ANOS1: variants seen among roughly 807,000 people sequenced by gnomAD.
ANOS1 encodes the protein anosmin-1.
Under a neutral mutation model 59.0 loss-of-function variants are expected in ANOS1, and 6 were observed. The observed-to-expected ratio is 0.10, with a 90% CI of 0.06 to 0.20. The LOEUF (loss-of-function observed/expected upper bound fraction) is 0.20. Among genes scored for constraint, ANOS1 ranks in the 10% least tolerant of loss-of-function variants. The pLI is 1.00. For missense variants in ANOS1, 433 were observed against 542.3 expected (o/e 0.80, Z 2.00); for synonymous variants, 217 against 223.4 (o/e 0.97, Z 0.25).
chrX:8,555,519 TA>T (rs1170239437), intron 8 of ANOS1, among the ~76,000 whole-genome samples: 1 of 111,300 alleles, frequency 9.0e-6, no homozygotes, highest in Non-Finnish European at 1.9e-5. Flanking sequence ...AAGAATCAAA[TA>T]GACACAATAT....
At chrX:8,548,791 G>C (rs149602914) in intron 9 of ANOS1, among the ~76,000 whole-genome samples, 10 of 112,439 alleles carry the variant, frequency 8.9e-5, no homozygotes, top group African/African-American at 3.2e-4. Context: ...TGGCCAGCAT[G>C]GATATGTACT....
In ANOS1 at chrX:8,670,833, C is replaced by T. The variant is rs183990714; in HGVS notation, c.255+28865G>A. On this transcript the variant is annotated intron_variant, in intron 2 of 13. Coordinates refer to ENST00000262648, the MANE Select transcript of ANOS1 (RefSeq NM_000216.4). ...AAGGAAAAGCCCGGCTGCTCCTCTT[C>T]CAGTCGCCTTCACCTAAGTAACTGG... Among the ~76,000 whole-genome samples the T allele has an allele frequency of 1.9e-4, 21 of 111,529 alleles. No homozygotes were observed. In the East Asian group the frequency reaches 4.5e-3, roughly 24 times the overall value.
At chrX:8,568,744 C>T (rs985263295) in intron 7 of ANOS1, among the ~76,000 whole-genome samples, 1 of 110,670 alleles carries the variant, frequency 9.0e-6, no homozygotes, top group African/African-American at 3.3e-5. Context: ...AAGATTGAAC[C>T]CAGGAGGTTG....
chrX:8,610,589 T>C (rs913149475), intron 3 of ANOS1, among the ~76,000 whole-genome samples: 2 of 111,683 alleles, frequency 1.8e-5, no homozygotes, highest in African/African-American at 6.5e-5. Context: ...TGAATGTGCA[T>C]GGCTTCAAAC....
intron 11 of ANOS1, 68 bp from the exon 12 acceptor site, chrX:8,535,879 T>C (rs1306181405): frequency 2.1e-6 from 2 of 931,729 alleles, no homozygotes; most frequent in Non-Finnish European, 3.1e-6. Context: ...GGATCCATTG[T>C]AGGAATTTTC....
intron 6 of ANOS1, among the ~76,000 whole-genome samples, chrX:8,571,933 C>T (rs192092547): frequency 6.4e-4 from 71 of 111,569 alleles, no homozygotes; most frequent in African/African-American, 2.2e-3. Context: ...TGTTTTTATT[C>T]TCAGTCATTT....
chrX:8,726,609 C>G (rs1932922723), intron 1 of ANOS1, among the ~76,000 whole-genome samples: 1 of 112,583 alleles, frequency 8.9e-6, no homozygotes, highest in African/African-American at 3.2e-5. Context: ...AGACAAAGAG[C>G]AGGTCCCAGG....
chrX:8,534,779 C>G (rs1929561831), intron 12 of ANOS1, among the ~76,000 whole-genome samples: 1 of 111,055 alleles, frequency 9.0e-6, no homozygotes, highest in East Asian at 2.8e-4. Context: ...TAAAACTTTC[C>G]CATGGTTTAA....
chrX:8,665,319 G>A (rs1431606927), intron 2 of ANOS1, among the ~76,000 whole-genome samples: 1 of 112,444 alleles, frequency 8.9e-6, no homozygotes. Context: ...ATTACTAACT[G>A]CATAAAGAAA....
At chrX:8,727,515 G>A (rs11795479) in intron 1 of ANOS1, among the ~76,000 whole-genome samples, 6,653 of 112,430 alleles carry the variant, frequency 0.059, 200 homozygotes, top group Non-Finnish European at 0.093. Context: ...ATCCACTGAG[G>A]AGGATGCAAT....
At chrX:8,689,775 CAA>C (rs1226656927) in intron 2 of ANOS1, among the ~76,000 whole-genome samples, 4 of 80,715 alleles carry the variant, frequency 5.0e-5, no homozygotes, top group East Asian at 3.8e-4. Flanking sequence ...AAAAAAAAAA[CAA>C]AAAAAAAAAA....
intron 2 of ANOS1, among the ~76,000 whole-genome samples, chrX:8,665,427 T>A (rs1932118057): frequency 8.9e-6 from 1 of 112,523 alleles, no homozygotes; most frequent in Non-Finnish European, 1.9e-5. Context: ...AAAGGTCTTG[T>A]TAATACAAAA....
Position 8,585,318 on chromosome X carries a change from G to A in ANOS1, c.805C>T (p.His269Tyr). Residue 269 changes from histidine to tyrosine, a missense_variant, in exon 6 of 14, where the codon CAT becomes TAT. By Grantham distance (83) the His-to-Tyr change is moderately conservative. Coordinates refer to ENST00000262648, the MANE Select transcript of ANOS1 (RefSeq NM_000216.4). Reference protein sequence around the residue: ...YQFRVAAVNVHGTRGFTAPSK... With the variant: ...YQFRVAAVNVYGTRGFTAPSK... ...GGGGCAGTGAAGCCTCGAGTTCCAT[G>A]CACATTCACAGCAGCCACTCGAAAC... The A allele has an allele frequency of 8.3e-7, 1 of 1,209,694 alleles. No individual in the cohort carries two copies. The highest frequency in any genetic ancestry group is 3.0e-5 in the East Asian group (1 of 33,834).
At chrX:8,563,975 C>T (rs183823379) in intron 8 of ANOS1, among the ~76,000 whole-genome samples, 1 of 111,376 alleles carries the variant, frequency 9.0e-6, no homozygotes, top group African/African-American at 3.3e-5. Context: ...CAGGGAATGA[C>T]AGGCTACAGA....
intron 2 of ANOS1, among the ~76,000 whole-genome samples, chrX:8,698,587 G>A (rs1932717343): frequency 8.9e-6 from 1 of 112,072 alleles, no homozygotes. Flanking sequence ...ACCAGAAAAT[G>A]TCTGGACAGA....
chrX:8,680,161 T>TC (rs1348466012), intron 2 of ANOS1, among the ~76,000 whole-genome samples: 282 of 41,148 alleles, frequency 6.9e-3, no homozygotes, highest in Middle Eastern at 0.025. Context: ...TGAGACTCCA[T>TC]CAAAAAAAAA....
intron 8 of ANOS1, among the ~76,000 whole-genome samples, chrX:8,555,881 G>A (rs954366842): frequency 1.8e-5 from 2 of 112,458 alleles, no homozygotes; most frequent in Admixed American, 1.9e-4. Flanking sequence ...ACCTGGCAGA[G>A]ATACAACAAA....
chrX:8,650,452 A>G (rs1252222081), intron 2 of ANOS1, among the ~76,000 whole-genome samples: 1 of 112,385 alleles, frequency 8.9e-6, no homozygotes, highest in African/African-American at 3.2e-5. Flanking sequence ...CTACTATAAA[A>G]TATCATCTGA....
chrX:8,637,616 A>C (rs1931592937), intron 2 of ANOS1, among the ~76,000 whole-genome samples: 1 of 112,328 alleles, frequency 8.9e-6, no homozygotes, highest in African/African-American at 3.2e-5. Flanking sequence ...AATGAGGCTG[A>C]AAGATGAAAT....
Sources: allele counts gnomAD v4.1 joint callset (sites outside exome capture counted in the v4.1 genomes callset), GRCh38; gene constraint gnomAD v4.1.1; transcripts MANE v1.5; gene names NCBI Gene and HGNC (gene_info 2026-07-23, HGNC 2026-07-21).